Variants in MRPS31 observed in about 807,000 individuals in gnomAD.
The protein encoded by MRPS31 is mitochondrial ribosomal protein S31, also known as small ribosomal subunit protein mS31.
In MRPS31, 32 loss-of-function variants were observed where a neutral mutation model predicts 43.1. That is an observed-to-expected ratio of 0.74 (90% confidence interval 0.56 to 1.00). MRPS31 has a LOEUF of 1.00. Among genes scored for constraint, MRPS31 ranks in the 50% least tolerant of loss-of-function variants. The probability of loss-of-function intolerance (pLI) is 0.00; values close to 1 mark genes in which losing one functional copy is unlikely to be tolerated. For synonymous variants in MRPS31, 165 were observed against 161.6 expected (o/e 1.02, Z -0.16); for missense variants, 437 against 466.7 (o/e 0.94, Z 0.59).
chr13:40,731,737 G>C (rs2137990288), intron 6 of MRPS31, among the ~76,000 whole-genome samples: 1 of 152,254 alleles, frequency 6.6e-6, no homozygotes, highest in South Asian at 2.1e-4. Context: ...ACTATATGCT[G>C]TTCATAAGAA....
chr13:40,741,685 C>T (rs1014405981), intron 6 of MRPS31, among the ~76,000 whole-genome samples: 1 of 151,980 alleles, frequency 6.6e-6, no homozygotes, highest in African/African-American at 2.4e-5. Context: ...TGAAAATATA[C>T]CTATTCTGAA....
intron 4 of MRPS31, among the ~76,000 whole-genome samples, chr13:40,755,289 C>T (rs752985056): frequency 6.6e-6 from 1 of 152,156 alleles, no homozygotes; most frequent in East Asian, 1.9e-4. Flanking sequence ...CTCAACCGCA[C>T]GTCTGATAAA....
intron 2 of MRPS31, among the ~76,000 whole-genome samples, chr13:40,762,875 C>T (rs567593023): frequency 3.5e-4 from 53 of 150,906 alleles, no homozygotes; most frequent in African/African-American, 1.2e-3. Context: ...ATCCCTCCCC[C>T]CATTTTAATG....
intron 6 of MRPS31, among the ~76,000 whole-genome samples, chr13:40,733,597 AAAAT>A (rs1332847676): frequency 1.3e-5 from 2 of 152,240 alleles, no homozygotes; most frequent in Non-Finnish European, 2.9e-5. Context: ...AAGTTACCAA[AAAAT>A]AAATAAAAGA....
Position 40,770,981 on chromosome 13 carries a change from C to T in MRPS31, c.152+4G>A, listed in dbSNP as rs2138022892. 6.2e-7 allele frequency: 1 copy of T among 1,614,094 alleles called. No individual in the cohort carries two copies. The highest frequency in any genetic ancestry group is 8.5e-7 in the Non-Finnish European group (1 of 1,180,004). On this transcript the variant is annotated splice_donor_region_variant and intron_variant, in intron 1 of 6. Transcript: ENST00000323563. ...ACGGGGCACGGGGTTGCCTGAGGACCTACCGGGCCAACAGCGCTGAACTGC... is the reference window on the plus strand; with the variant it reads ...ACGGGGCACGGGGTTGCCTGAGGACTTACCGGGCCAACAGCGCTGAACTGC...
In MRPS31 at chr13:40,756,965, A is replaced by C. The variant is rs1880547481; in HGVS notation, c.648T>G (p.Ala216=). 6.2e-7 allele frequency: 1 copy of C among 1,613,458 alleles called. No individual in the cohort carries two copies. Among genetic ancestry groups the C allele is most frequent in the South Asian group, 1.1e-5 (1 of 90,968 alleles). ...SDMKVARSAT[A]RVRSRPELRI... is the part of the protein sequence containing the mutation. ...GAAGCTCTGGTCTTGAACGAACTCTAGCTGTAGCAGATCTGGCAACTTTCA... is the reference window on the plus strand; with the variant it reads ...GAAGCTCTGGTCTTGAACGAACTCTCGCTGTAGCAGATCTGGCAACTTTCA... The change falls in exon 4 of 7, where the codon GCT becomes GCG. Residue 216 remains alanine, a synonymous_variant. Transcript: ENST00000323563.
At chr13:40,731,928 C>G (rs1566102894) in intron 6 of MRPS31, among the ~76,000 whole-genome samples, 1 of 150,898 alleles carries the variant, frequency 6.6e-6, no homozygotes, top group South Asian at 2.1e-4. Flanking sequence ...ATGAATGAAT[C>G]AATGAATGAA....
At chr13:40,755,527 A>T (rs1444841097) in intron 4 of MRPS31, among the ~76,000 whole-genome samples, 1 of 152,208 alleles carries the variant, frequency 6.6e-6, no homozygotes, top group Admixed American at 6.5e-5. Flanking sequence ...GGAGGCTATA[A>T]AAGGTGCCCC....
At chr13:40,751,523 A>G (rs1329659082) in intron 5 of MRPS31, among the ~76,000 whole-genome samples, 1 of 152,214 alleles carries the variant, frequency 6.6e-6, no homozygotes, top group Non-Finnish European at 1.5e-5. Context: ...TGTCGACTCT[A>G]GGATAACCAG....
At chr13:40,740,680 G>T (rs1255061500) in intron 6 of MRPS31, among the ~76,000 whole-genome samples, 3 of 113,108 alleles carry the variant, frequency 2.7e-5, no homozygotes, top group Admixed American at 9.2e-5. Context: ...GTAAACTATC[G>T]CAAGAACAAA....
chr13:40,766,328 G>C (rs577091560), intron 2 of MRPS31, among the ~76,000 whole-genome samples: 1 of 152,186 alleles, frequency 6.6e-6, no homozygotes, highest in South Asian at 2.1e-4. Flanking sequence ...AGTCTCGCTT[G>C]ATCCCCCAGG....
At chr13:40,741,922 C>T (rs1165055505) in intron 6 of MRPS31, among the ~76,000 whole-genome samples, 2 of 148,822 alleles carry the variant, frequency 1.3e-5, no homozygotes, top group Non-Finnish European at 3.0e-5. Context: ...CACACACACA[C>T]ACACACACAC....
intron 6 of MRPS31, 126 bp downstream of exon 6, chr13:40,749,012 A>G: frequency 1.2e-6 from 1 of 855,790 alleles, no homozygotes. Context: ...GATTTATTTT[A>G]GGACACCATG....
chr13:40,742,993 G>A lies in MRPS31; in HGVS notation c.958+6145C>T, dbSNP rs545803963. Among the ~76,000 whole-genome samples the A allele has an allele frequency of 6.6e-5, 10 of 152,200 alleles. No individual in the cohort carries two copies. The East Asian group carries it at 7.7e-4, about 12-fold the overall frequency. ...AAATACCATCCTAGACAACAGCCCAGGCAAGGACTTCACGACAAAGTCAAA... is the reference window on the plus strand; with the variant it reads ...AAATACCATCCTAGACAACAGCCCAAGCAAGGACTTCACGACAAAGTCAAA... On this transcript the variant is annotated intron_variant, in intron 6 of 6. Coordinates refer to ENST00000323563, the MANE Select transcript of MRPS31 (RefSeq NM_005830.4).
chr13:40,754,061 T>C lies in MRPS31; in HGVS notation c.772A>G (p.Ile258Val), dbSNP rs1227302706. The change falls in exon 5 of 7, where the codon ATT becomes GTT. Residue 258 changes from isoleucine to valine, a missense_variant. Ile to Val is a conservative substitution (Grantham distance 29). Transcript: ENST00000323563. Reference protein sequence around the residue: ...KNIFTGKRLNIFDMMAVTKEA... With the variant: ...KNIFTGKRLNVFDMMAVTKEA... ...TTAGTAACTGCCATCATGTCAAAAATATTAAGTCTTTTCCCTGTGAATATA... is the reference window on the plus strand; with the variant it reads ...TTAGTAACTGCCATCATGTCAAAAACATTAAGTCTTTTCCCTGTGAATATA... 1 of 1,599,334 alleles carries C rather than the reference T, an allele frequency of 6.3e-7. No homozygotes were observed. Among genetic ancestry groups the C allele is most frequent in the African/African-American group, 1.3e-5 (1 of 74,282 alleles).
chr13:40,734,066 T>C (rs905821422), intron 6 of MRPS31, among the ~76,000 whole-genome samples: 4 of 150,132 alleles, frequency 2.7e-5, no homozygotes, highest in African/African-American at 9.9e-5. Context: ...GAGGTGGAGG[T>C]TGCAGTGAGC....
chr13:40,749,506 A>G, intron 5 of MRPS31: 1 of 345,636 alleles, frequency 2.9e-6, no homozygotes, highest in Non-Finnish European at 5.1e-6. Flanking sequence ...CCAGGTAATC[A>G]CTGCCCCCTC....
At chr13:40,764,193 T>C (rs1433578023) in intron 2 of MRPS31, among the ~76,000 whole-genome samples, 4 of 152,134 alleles carry the variant, frequency 2.6e-5, no homozygotes, top group Non-Finnish European at 5.9e-5. Context: ...GGCCGTGGGA[T>C]ACAGGCATTG....
chr13:40,765,446 T>C (rs1180918947), intron 2 of MRPS31, among the ~76,000 whole-genome samples: 4 of 152,222 alleles, frequency 2.6e-5, no homozygotes, highest in African/African-American at 9.6e-5. Context: ...ATAATTATAA[T>C]AAAGAGCATG....
Sources: allele counts gnomAD v4.1 joint callset (sites outside exome capture counted in the v4.1 genomes callset), GRCh38; gene constraint gnomAD v4.1.1; transcripts MANE v1.5; gene names NCBI Gene and HGNC (gene_info 2026-07-23, HGNC 2026-07-21).